The following EPB41 variants were observed in gnomAD, a reference collection of about 807,000 sequenced individuals.
The protein encoded by EPB41 is protein 4.1.
In EPB41, 65 loss-of-function variants were observed where a neutral mutation model predicts 108.0. That is an observed-to-expected ratio of 0.60 (90% CI 0.49 to 0.74). EPB41 has a LOEUF of 0.74. EPB41 is among the 30% of genes least tolerant of loss of function. EPB41 has a pLI of 0.00. For synonymous variants in EPB41, 336 were observed against 358.9 expected (o/e 0.94, Z 0.72); for missense variants, 875 against 1,037.0 (o/e 0.84, Z 2.15).
In EPB41 at chr1:29,117,874, C is replaced by A. The variant is rs1671251985; in HGVS notation, c.*1062C>A. 1 of 152,562 alleles carries A rather than the reference C, an allele frequency of 6.6e-6. No homozygotes were observed. Among genetic ancestry groups the A allele is most frequent in the Admixed American group, 6.6e-5 (1 of 15,258 alleles). 9.5% of individuals were successfully genotyped at this position (152,562 alleles called of 1,614,324 possible). The stretch of plus-strand genomic sequence containing the variant: ...CCTTTCTTCTCTCAACAGGAACCTG[C>A]CTGAGGACACCCTTCTAGAGCAAGG... On this transcript the variant is annotated 3_prime_UTR_variant, in exon 21 of 21. Coordinates refer to ENST00000343067, the MANE Select transcript of EPB41 (RefSeq NM_001376013.1).
chr1:28,992,543 G>C (rs953275108), intron 2 of EPB41, among the ~76,000 whole-genome samples: 15 of 152,156 alleles, frequency 9.9e-5, no homozygotes, highest in African/African-American at 3.1e-4. Context: ...AAAAAAATTA[G>C]CTGGGCGTGG....
intron 1 of EPB41, among the ~76,000 whole-genome samples, chr1:28,960,128 A>G (rs2095142323): frequency 6.7e-6 from 1 of 149,786 alleles, no homozygotes; most frequent in Non-Finnish European, 1.5e-5. Flanking sequence ...TCAGCCTCCC[A>G]GAAGCGGAGA....
rs560754340 is a variant in EPB41, at chr1:28,922,619, A to C, written c.-8+7851A>C. 9.9e-4 allele frequency among the ~76,000 whole-genome samples: 124 copies of C among 125,100 alleles called. 1 individual carries two copies. The highest frequency in any genetic ancestry group is 3.7e-3 in the African/African-American group (119 of 31,988). The allele number at this position is 125,100 out of a possible 152,430, so 82.1% of individuals were successfully genotyped here. ...CGCCAGTTTTAAAATTTTTTCTTAGAGACAGGATTTTTTTTTTTTTTTTTT... is the reference window on the plus strand; with the variant it reads ...CGCCAGTTTTAAAATTTTTTCTTAGCGACAGGATTTTTTTTTTTTTTTTTT... On this transcript the variant is annotated intron_variant, in intron 1 of 20. Coordinates refer to ENST00000343067, the MANE Select transcript of EPB41 (RefSeq NM_001376013.1).
intron 11 of EPB41, 132 bp downstream of exon 11, chr1:29,039,558 A>G (rs1264314346): frequency 8.4e-7 from 1 of 1,185,436 alleles, no homozygotes; most frequent in South Asian, 1.3e-5. Flanking sequence ...TACACCTGTA[A>G]TCCTAGCACT....
intron 1 of EPB41, among the ~76,000 whole-genome samples, chr1:28,891,179 A>G (rs1334862714): frequency 1.3e-5 from 2 of 152,240 alleles, no homozygotes; most frequent in Non-Finnish European, 2.9e-5. Context: ...CCTCATCTGT[A>G]AAGCATGGAC....
At chr1:28,926,654 A>G (rs572700853) in intron 1 of EPB41, among the ~76,000 whole-genome samples, 9 of 152,368 alleles carry the variant, frequency 5.9e-5, no homozygotes, top group African/African-American at 2.2e-4. Flanking sequence ...CACATTGCAG[A>G]TAATCTATAG....
upstream of EPB41, among the ~76,000 whole-genome samples, chr1:28,910,168 G>A (rs374861201): frequency 3.2e-4 from 49 of 151,776 alleles, no homozygotes; most frequent in African/African-American, 1.2e-3. Context: ...ATTTTTGACT[G>A]GTGGCTTTAT....
intron 2 of EPB41, among the ~76,000 whole-genome samples, chr1:28,991,029 A>T (rs2096006679): frequency 6.6e-6 from 1 of 152,058 alleles, no homozygotes; most frequent in Admixed American, 6.5e-5. Flanking sequence ...GCCTTTTGGA[A>T]ACTAATATTT....
rs796447282 is a variant in EPB41 at position 29,092,068 on chromosome 1, A to C, written c.2185-5739A>C. 2.4e-4 allele frequency among the ~76,000 whole-genome samples: 36 copies of C among 148,118 alleles called. 1 individual carries two copies. In the South Asian group the frequency reaches 7.4e-3, roughly 31 times the overall value. ...TAAGCTGGTTCAAACTGTATTGTTTACTCATAGGAACACCTTCTTACCTTC... is the reference window on the plus strand; with the variant it reads ...TAAGCTGGTTCAAACTGTATTGTTTCCTCATAGGAACACCTTCTTACCTTC... On this transcript the variant is annotated intron_variant, in intron 16 of 20. Transcript: ENST00000343067.
chr1:28,889,889 A>G (rs2089920634), intron 1 of EPB41: 2 of 965,316 alleles, frequency 2.1e-6, no homozygotes, highest in African/African-American at 1.8e-5. Flanking sequence ...CAGAGGGCTC[A>G]CCACAGAGTT....
intron 5 of EPB41, among the ~76,000 whole-genome samples, chr1:29,012,335 G>A (rs1473279518): frequency 6.6e-6 from 1 of 152,058 alleles, no homozygotes; most frequent in African/African-American, 2.4e-5. Context: ...TAAATTTTAT[G>A]TTTTCCTCTT....
intron 11 of EPB41, among the ~76,000 whole-genome samples, chr1:29,052,561 A>T (rs1376691162): frequency 1.3e-5 from 2 of 152,230 alleles, no homozygotes; most frequent in Non-Finnish European, 1.5e-5. Flanking sequence ...CCTTACAAGC[A>T]TCAGAAAGTA....
At chr1:29,058,192 A>G (rs1240649725) in intron 12 of EPB41, among the ~76,000 whole-genome samples, 1 of 152,202 alleles carries the variant, frequency 6.6e-6, no homozygotes, top group East Asian at 1.9e-4. Flanking sequence ...TTGTTTTTAA[A>G]TGTTATTTAA....
intron 1 of EPB41, among the ~76,000 whole-genome samples, chr1:28,943,323 G>A (rs1293988597): frequency 2.0e-5 from 3 of 152,166 alleles, no homozygotes; most frequent in African/African-American, 7.2e-5. Flanking sequence ...ATGAAAAGGT[G>A]CTCAACATCA....
At chr1:28,913,037 T>C (rs1330888882), upstream of EPB41, among the ~76,000 whole-genome samples, 1 of 152,202 alleles carries the variant, frequency 6.6e-6, no homozygotes, top group Non-Finnish European at 1.5e-5. Context: ...TGGAATGGCA[T>C]GATCCTAGCT....
chr1:29,100,738 A>G (rs1665044886), intron 17 of EPB41, among the ~76,000 whole-genome samples: 1 of 147,152 alleles, frequency 6.8e-6, no homozygotes, highest in Non-Finnish European at 1.5e-5. Context: ...TATGTAAATT[A>G]ATATATAATT....
intron 17 of EPB41, among the ~76,000 whole-genome samples, chr1:29,105,771 C>G (rs1451188964): frequency 2.0e-5 from 2 of 102,040 alleles, no homozygotes; most frequent in African/African-American, 7.6e-5. Flanking sequence ...TTTTTTGAGA[C>G]AGAGTATGGC....
chr1:28,987,802 TTGA>T lies in EPB41; in HGVS notation c.369_371del (p.Asp123del), dbSNP rs1330139059. The T allele has an allele frequency of 2.3e-5, 37 of 1,614,050 alleles. No homozygotes were observed. The highest frequency in any genetic ancestry group is 3.0e-5 in the Non-Finnish European group (35 of 1,180,044). On this transcript the variant is annotated inframe_deletion, in exon 2 of 21. Transcript: ENST00000343067. Reference sequence around the variant, plus strand: ...AAAGAGATAGAATTTGGAACCAGTCTTGATGAAGAGATCATTTTAAAGGCCCCA... The same window carrying T: ...AAAGAGATAGAATTTGGAACCAGTCTTGAAGAGATCATTTTAAAGGCCCCA...
At chr1:28,979,060 A>T (rs1184702669) in intron 1 of EPB41, among the ~76,000 whole-genome samples, 1 of 151,434 alleles carries the variant, frequency 6.6e-6, no homozygotes, top group Non-Finnish European at 1.5e-5. Context: ...GAGAACCCTG[A>T]CTAATACAGA....
Sources: gnomAD v4.1 joint callset for allele counts (sites outside exome capture counted in the v4.1 genomes callset) on GRCh38, gnomAD v4.1.1 for gene constraint, MANE v1.5 for transcripts, NCBI Gene and HGNC (gene_info 2026-07-23, HGNC 2026-07-21) for gene names.